SEPTIN9: variants seen among roughly 807,000 people sequenced by gnomAD.
SEPTIN9 encodes septin-9.
Under a neutral mutation model 56.6 loss-of-function variants are expected in SEPTIN9, and 13 were observed. The ratio of observed to expected loss-of-function variants is 0.23; its 90% CI spans 0.15 to 0.37. SEPTIN9 has a LOEUF of 0.37. SEPTIN9 is among the 10% of genes least tolerant of loss of function. The pLI is 1.00. For synonymous variants in SEPTIN9, 332 were observed against 334.1 expected (o/e 0.99, Z 0.07); for missense variants, 650 against 823.1 (o/e 0.79, Z 2.57).
At position 77,319,983 on chromosome 17, in the gene SEPTIN9, C is replaced by G; in HGVS notation, c.76+12786C>G. The G allele has an allele frequency of 8.2e-7, 1 of 1,222,626 alleles. No homozygotes were observed. 75.7% of individuals were successfully genotyped at this position (1,222,626 alleles called of 1,614,324 possible). The stretch of plus-strand genomic sequence containing the variant: ...GCCGGGACTCTGGGACTCTCGCAGG[C>G]AGACCCGGTGGTCTGCCGGACTCCT... On this transcript the variant is annotated intron_variant, in intron 2 of 11. Coordinates refer to ENST00000427177, the MANE Select transcript of SEPTIN9 (RefSeq NM_001113491.2). This position sits in a 1 kb window ranked among gnomAD's most constrained non-coding sequence, Gnocchi z 5.3.
intron 3 of SEPTIN9, among the ~76,000 whole-genome samples, chr17:77,458,701 G>A (rs1388786384): frequency 1.3e-5 from 2 of 152,208 alleles, no homozygotes; most frequent in Non-Finnish European, 2.9e-5. Flanking sequence ...CCACATGGCA[G>A]CCACGGGCTG....
chr17:77,467,170 TG>T (rs1262844277), intron 3 of SEPTIN9, among the ~76,000 whole-genome samples: 1 of 152,234 alleles, frequency 6.6e-6, no homozygotes, highest in Non-Finnish European at 1.5e-5. Context: ...GCGAGACGTC[TG>T]ACCTTCTGCT....
At chr17:77,285,391 T>C (rs2031228026) in intron 1 of SEPTIN9, among the ~76,000 whole-genome samples, 1 of 152,076 alleles carries the variant, frequency 6.6e-6, no homozygotes, top group Admixed American at 6.6e-5. Flanking sequence ...ACTCTGGAGA[T>C]TCTTTTTTTA....
At chr17:77,306,847 C>T (rs1365386033) in intron 1 of SEPTIN9, among the ~76,000 whole-genome samples, 1 of 152,212 alleles carries the variant, frequency 6.6e-6, no homozygotes, top group Non-Finnish European at 1.5e-5. Context: ...GGAAGTGACA[C>T]TCTGTGGAGA....
At position 77,498,963 on chromosome 17, in the gene SEPTIN9, C is replaced by T. The variant is rs761584968; in HGVS notation, c.*305C>T. 6.4e-5 allele frequency: 35 copies of T among 548,686 alleles called. No individual in the cohort carries two copies. Among genetic ancestry groups the T allele is most frequent in the East Asian group, 1.2e-4 (3 of 26,062 alleles). The allele number at this position is 548,686 out of a possible 1,614,324, so 34.0% of individuals were successfully genotyped here. A position where few individuals can be genotyped will look rare whatever the true frequency, so the allele number is the denominator to read the frequency against. On this transcript the variant is annotated 3_prime_UTR_variant, in exon 12 of 12. Transcript: ENST00000427177. ...CCCCGAGGGCTCAGAAGAGCAGCTT[C>T]GGTGTGCAGATCATCCGTCTGTGTG... is the stretch of plus-strand genomic sequence containing the variant.
In SEPTIN9 at chr17:77,367,947, T is replaced by C. The variant is rs924205398; in HGVS notation, c.77-34112T>C. On this transcript the variant is annotated intron_variant, in intron 2 of 11. Transcript: ENST00000427177. The surrounding 1 kb of genome is among the most constrained non-coding windows in gnomAD (Gnocchi z 4.5). ...TGCTCAAATGTGGAAGGAATGGATA[T>C]ACAAAGTGTGTGTACACACAGTGGA... Among the ~76,000 whole-genome samples the C allele has an allele frequency of 6.6e-6, 1 of 152,232 alleles. No homozygotes were observed. The highest frequency in any genetic ancestry group is 6.5e-5 in the Admixed American group (1 of 15,290).
chr17:77,405,196 GT>G lies in SEPTIN9; in HGVS notation c.721+2496del. On this transcript the variant is annotated intron_variant, in intron 3 of 11. Coordinates refer to ENST00000427177, the MANE Select transcript of SEPTIN9 (RefSeq NM_001113491.2). The surrounding 1 kb of genome is among the most constrained non-coding windows in gnomAD (Gnocchi z 5.8). ...ACATTCTCCTCCAGGGGCAGACACA[GT>G]TTAGCCCCTAAATTGTGCCAGAGAC... The G allele has an allele frequency of 7.0e-7, 1 of 1,423,298 alleles. No homozygotes were observed. The highest frequency in any genetic ancestry group is 9.5e-7 in the Non-Finnish European group (1 of 1,047,484). 88.2% of individuals were successfully genotyped at this position (1,423,298 alleles called of 1,614,324 possible).
chr17:77,413,648 GC>G (rs1019406717), intron 3 of SEPTIN9, among the ~76,000 whole-genome samples: 18 of 151,506 alleles, frequency 1.2e-4, no homozygotes, highest in Non-Finnish European at 1.5e-4. Flanking sequence ...TTAGGAGAGA[GC>G]CCCCCTCCCC....
At chr17:77,361,879 G>A (rs1258922291) in intron 2 of SEPTIN9, among the ~76,000 whole-genome samples, 15 of 152,084 alleles carry the variant, frequency 9.9e-5, no homozygotes, top group Non-Finnish European at 1.5e-4. Flanking sequence ...TGATCCGCCC[G>A]CCTCGGCCTC....
At position 77,476,580 on chromosome 17, in the gene SEPTIN9, G is replaced by C. The variant is rs1367633251; in HGVS notation, c.722-5564G>C. On this transcript the variant is annotated intron_variant, in intron 3 of 11. Transcript: ENST00000427177. This position sits in a 1 kb window ranked among gnomAD's most constrained non-coding sequence, Gnocchi z 6.0. The stretch of plus-strand genomic sequence containing the variant: ...GCCCAGTGGACGCCTGCGGGGAGGA[G>C]GGAGCTGGTCCCCAGGATGAGCAGA... Among the ~76,000 whole-genome samples, 1 of 152,220 alleles carries C rather than the reference G, an allele frequency of 6.6e-6. No individual in the cohort carries two copies. Among genetic ancestry groups the C allele is most frequent in the African/African-American group, 2.4e-5 (1 of 41,448 alleles).
intron 3 of SEPTIN9, among the ~76,000 whole-genome samples, chr17:77,461,284 C>T (rs529027620): frequency 4.6e-5 from 7 of 152,082 alleles, no homozygotes; most frequent in South Asian, 2.1e-4. Flanking sequence ...CCAGCCTGGA[C>T]GACAGAGTGA....
chr17:77,292,608 T>C (rs1164817741), intron 1 of SEPTIN9, among the ~76,000 whole-genome samples: 1 of 151,960 alleles, frequency 6.6e-6, no homozygotes, highest in Non-Finnish European at 1.5e-5. Flanking sequence ...ATTCTCCTGC[T>C]TCAGCCTCCC....
chr17:77,458,048 C>T (rs1047337925), intron 3 of SEPTIN9, among the ~76,000 whole-genome samples: 9 of 152,204 alleles, frequency 5.9e-5, no homozygotes, highest in Non-Finnish European at 8.8e-5. Context: ...CTGCCTGTCC[C>T]GATGAGAGGG....
chr17:77,454,550 A>G (rs1204388575), intron 3 of SEPTIN9: 1 of 185,446 alleles, frequency 5.4e-6, no homozygotes, highest in Non-Finnish European at 1.0e-5. Context: ...AGCAGCGGAG[A>G]TCCTGGCACA....
At chr17:77,391,176 CAG>C (rs1213052464) in intron 2 of SEPTIN9, among the ~76,000 whole-genome samples, 1 of 152,170 alleles carries the variant, frequency 6.6e-6, no homozygotes, top group Non-Finnish European at 1.5e-5. Context: ...ACCGGTGACT[CAG>C]TGGCTAGAAG....
intron 3 of SEPTIN9, among the ~76,000 whole-genome samples, chr17:77,439,093 G>C (rs2037454145): frequency 6.6e-6 from 1 of 152,226 alleles, no homozygotes. Flanking sequence ...TGATTTGCAA[G>C]TGAAGAAATG....
intron 2 of SEPTIN9, among the ~76,000 whole-genome samples, chr17:77,385,664 C>T (rs1442433960): frequency 3.3e-5 from 5 of 152,260 alleles, no homozygotes; most frequent in Admixed American, 1.3e-4. Context: ...ATTCCCTGGT[C>T]GCTGGCAGTC....
At chr17:77,354,872 G>T (rs923650396) in intron 2 of SEPTIN9, among the ~76,000 whole-genome samples, 2 of 152,052 alleles carry the variant, frequency 1.3e-5, no homozygotes, top group Admixed American at 1.3e-4. Flanking sequence ...CAGTCATCTT[G>T]CCCTGACCTG....
At chr17:77,290,967 T>C (rs1381276669) in intron 1 of SEPTIN9, among the ~76,000 whole-genome samples, 1 of 151,122 alleles carries the variant, frequency 6.6e-6, no homozygotes, top group East Asian at 1.9e-4. Flanking sequence ...CCAGTTTCAA[T>C]TGGTCCTCCC....
Sources: gnomAD v4.1 joint callset for allele counts (sites outside exome capture counted in the v4.1 genomes callset) on GRCh38, gnomAD v4.1.1 for gene constraint, Gnocchi (gnomAD v3.1) non-coding constraint, MANE v1.5 for transcripts, NCBI Gene and HGNC (gene_info 2026-07-23, HGNC 2026-07-21) for gene names.